Variants in FBXL18 observed in about 807,000 individuals in gnomAD.
The protein encoded by FBXL18 is F-box/LRR-repeat protein 18.
Under a neutral mutation model 46.0 loss-of-function variants are expected in FBXL18, and 36 were observed. The observed-to-expected ratio is 0.78, with a 90% CI of 0.60 to 1.03. FBXL18 has a LOEUF of 1.03. Ranked by LOEUF, FBXL18 falls within the 50% of genes least tolerant of loss-of-function variation. FBXL18 has a pLI of 0.00. For synonymous variants in FBXL18, 557 were observed against 465.3 expected (o/e 1.20, Z -2.54); for missense variants, 977 against 1,004.1 (o/e 0.97, Z 0.36).
intron 4 of FBXL18, among the ~76,000 whole-genome samples, chr7:5,490,598 T>C (rs1783896272): frequency 6.6e-6 from 1 of 152,172 alleles, no homozygotes; most frequent in Non-Finnish European, 1.5e-5. Context: ...CTACCGCCTT[T>C]ACCCACAACT....
At position 5,481,718 on chromosome 7, in the gene FBXL18, C is replaced by G. The variant is rs192306991; in HGVS notation, c.*57G>C. ...GTGACAAACCAAGGGTCCCTGGCGT[C>G]CCAGGCTCCTGCAGCTTCTCGAGGT... On this transcript the variant is annotated 3_prime_UTR_variant, in exon 5 of 5. Coordinates refer to ENST00000382368, the MANE Select transcript of FBXL18 (RefSeq NM_024963.6). 1.7e-4 allele frequency: 272 copies of G among 1,588,916 alleles called. 1 individual carries two copies. In the East Asian group the frequency reaches 3.6e-3, roughly 21 times the overall value.
At chr7:5,486,401 G>A (rs1584208955) in intron 4 of FBXL18, among the ~76,000 whole-genome samples, 1 of 150,880 alleles carries the variant, frequency 6.6e-6, no homozygotes, top group African/African-American at 2.4e-5. Flanking sequence ...CCTGGGAAAC[G>A]AGCGAAACTC....
In FBXL18 at chr7:5,505,430, C is replaced by T; in HGVS notation, c.219G>A (p.Leu73=). ...CLDKSLIHTV[L]LQKDYQASED... Reference sequence around the variant, plus strand: ...TGCTCACCTGATAGTCCTTTTGCAGCAACACGGTGTGGATGAGGCTCTTGT... The same window carrying T: ...TGCTCACCTGATAGTCCTTTTGCAGTAACACGGTGTGGATGAGGCTCTTGT... The change falls in exon 2 of 5, where the codon TTG becomes TTA. Residue 73 remains leucine, a synonymous_variant. Transcript: ENST00000382368. 6.2e-7 allele frequency: 1 copy of T among 1,614,112 alleles called. No individual in the cohort carries two copies. Among genetic ancestry groups the T allele is most frequent in the African/African-American group, 1.3e-5 (1 of 75,034 alleles).
intron 4 of FBXL18, among the ~76,000 whole-genome samples, chr7:5,457,862 C>T (rs959384281): frequency 1.3e-5 from 2 of 152,190 alleles, no homozygotes; most frequent in African/African-American, 2.4e-5. Flanking sequence ...CTGGCCTGGG[C>T]CCACAGCCTG....
chr7:5,475,011 T>G (rs1783487365), downstream of FBXL18, among the ~76,000 whole-genome samples: 1 of 142,068 alleles, frequency 7.0e-6, no homozygotes, highest in Non-Finnish European at 1.5e-5. The surrounding 1 kb of genome is among the most constrained non-coding windows in gnomAD (Gnocchi z 4.2). Flanking sequence ...CCTGGCCAAA[T>G]TATGCACTTT....
chr7:5,481,573 C>T lies in FBXL18; in HGVS notation c.*202G>A, dbSNP rs543079662. The T allele has an allele frequency of 4.0e-4, 232 of 576,656 alleles. No individual in the cohort carries two copies. Among genetic ancestry groups the T allele is most frequent in the African/African-American group, 3.4e-3 (179 of 52,642 alleles). The allele number at this position is 576,656 out of a possible 1,614,324, so 35.7% of individuals were successfully genotyped here. A position where few individuals can be genotyped will look rare whatever the true frequency, so the allele number is the denominator to read the frequency against. The stretch of plus-strand genomic sequence containing the variant: ...CCGAGCCCCCTCATGTCACCCAGAA[C>T]GCATCCCCTCGACCTAAACTTCACA... On this transcript the variant is annotated 3_prime_UTR_variant, in exon 5 of 5. Coordinates refer to ENST00000382368, the MANE Select transcript of FBXL18 (RefSeq NM_024963.6).
chr7:5,462,554 G>C (rs10951952), intron 4 of FBXL18, among the ~76,000 whole-genome samples: 58,229 of 151,890 alleles, frequency 0.38, 12,037 homozygotes, highest in East Asian at 0.8. Flanking sequence ...GGCCAAATGA[G>C]GTTGAGAGAC....
intron 4 of FBXL18, among the ~76,000 whole-genome samples, chr7:5,464,592 G>T (rs1174271445): frequency 7.0e-6 from 1 of 142,054 alleles, no homozygotes; most frequent in East Asian, 2.2e-4. Flanking sequence ...CAACCCAGGA[G>T]ACGAATGTTG....
intron 4 of FBXL18, among the ~76,000 whole-genome samples, chr7:5,466,348 T>C (rs7801813): frequency 0.76 from 115,229 of 152,078 alleles, 43,880 homozygotes; most frequent in East Asian, 0.9. Context: ...GTGCAGGCCG[T>C]GCTCCTCCTG....
At chr7:5,487,794 C>T (rs576631371) in intron 4 of FBXL18, among the ~76,000 whole-genome samples, 436 of 146,450 alleles carry the variant, frequency 3.0e-3, no homozygotes, top group South Asian at 7.8e-3. Context: ...GCATCCCACT[C>T]GGTTGGCAGC....
At chr7:5,487,630 C>CT (rs1424066351) in intron 4 of FBXL18, among the ~76,000 whole-genome samples, 2 of 152,250 alleles carry the variant, frequency 1.3e-5, no homozygotes, top group Non-Finnish European at 2.9e-5. Flanking sequence ...TAAGCTGGGG[C>CT]TGATAGCACT....
chr7:5,488,039 G>A (rs566001145), intron 4 of FBXL18, among the ~76,000 whole-genome samples: 1 of 152,254 alleles, frequency 6.6e-6, no homozygotes, highest in Non-Finnish European at 1.5e-5. Flanking sequence ...GCTCAGCGCC[G>A]GGCTCAGCTT....
chr7:5,479,813 G>C lies in FBXL18; in HGVS notation c.*1962C>G, dbSNP rs1408719973. The C allele has an allele frequency of 6.6e-6, 1 of 152,528 alleles. No homozygotes were observed. Among genetic ancestry groups the C allele is most frequent in the East Asian group, 1.9e-4 (1 of 5,204 alleles). 9.4% of individuals were successfully genotyped at this position (152,528 alleles called of 1,614,324 possible). Reference sequence around the variant, plus strand: ...GGCCAGGAGGCAAAGGTTCTGCACTGGGTGCAGCCTGGGGCTGGGAGAGGA... The same window carrying C: ...GGCCAGGAGGCAAAGGTTCTGCACTCGGTGCAGCCTGGGGCTGGGAGAGGA... On this transcript the variant is annotated 3_prime_UTR_variant, in exon 5 of 5. Transcript: ENST00000382368.
At chr7:5,509,432 G>A (rs975493963) in intron 1 of FBXL18, among the ~76,000 whole-genome samples, 45 of 152,026 alleles carry the variant, frequency 3.0e-4, no homozygotes, top group African/African-American at 1.1e-3. Context: ...GGTGGCTCAC[G>A]CCCGTAATCC....
At chr7:5,473,436 G>GC (rs5882059), downstream of FBXL18, among the ~76,000 whole-genome samples, 75,415 of 151,678 alleles carry the variant, frequency 0.5, 19,535 homozygotes, top group East Asian at 0.71. Context: ...GGAGGTCTCT[G>GC]CCCCAAACTG....
downstream of FBXL18, among the ~76,000 whole-genome samples, chr7:5,471,571 C>T (rs1195248810): frequency 3.3e-5 from 5 of 152,068 alleles, no homozygotes; most frequent in East Asian, 3.9e-4. Context: ...CCATCACGCC[C>T]GGCTAATTTT....
Position 5,500,801 on chromosome 7 carries a change from G to A in FBXL18, c.1468C>T (p.Leu490=). The change falls in exon 3 of 5, where the codon CTG becomes TTG. Residue 490 remains leucine, a synonymous_variant. Transcript: ENST00000382368. ...GCGGAGGAGAAGTTGGACCCAATCA[G>A]CTCGAGGTGTTCCAGGAAGGGCAGG... ...KNLPFLEHLE[L]IGSNFSSAMP... 1 of 1,612,656 alleles carries A rather than the reference G, an allele frequency of 6.2e-7. No individual in the cohort carries two copies. Among genetic ancestry groups the A allele is most frequent in the Non-Finnish European group, 8.5e-7 (1 of 1,179,784 alleles).
At chr7:5,458,917 T>G (rs1385700975) in intron 4 of FBXL18, among the ~76,000 whole-genome samples, 1 of 151,214 alleles carries the variant, frequency 6.6e-6, no homozygotes, top group Non-Finnish European at 1.5e-5. Flanking sequence ...GAAGCCAAGT[T>G]GGGAGGATTG....
Position 5,501,291 on chromosome 7 carries a change from C to T in FBXL18, c.978G>A (p.Leu326=). Residue 326 remains leucine, a synonymous_variant, in exon 3 of 5, where the codon CTG becomes CTA. Coordinates refer to ENST00000382368, the MANE Select transcript of FBXL18 (RefSeq NM_024963.6). ...PFYFSFSRCT[L]SGGHLIQQVI... is the part of the protein sequence containing the mutation. Reference sequence around the variant, plus strand: ...CCTGCTGGATCAGATGGCCGCCTGACAGGGTACAGCGGCTGAAACTGAAGT... The same window carrying T: ...CCTGCTGGATCAGATGGCCGCCTGATAGGGTACAGCGGCTGAAACTGAAGT... The T allele has an allele frequency of 1.2e-6, 2 of 1,614,184 alleles. No individual in the cohort carries two copies. The highest frequency in any genetic ancestry group is 2.2e-5 in the South Asian group (2 of 91,086).
Sources: allele counts gnomAD v4.1 joint callset (sites outside exome capture counted in the v4.1 genomes callset), GRCh38; gene constraint gnomAD v4.1.1; non-coding constraint Gnocchi (gnomAD v3.1); transcripts MANE v1.5; gene names NCBI Gene and HGNC (gene_info 2026-07-23, HGNC 2026-07-21).